Variants in TVP23A observed in about 807,000 individuals in gnomAD.
TVP23A encodes trans-golgi network vesicle protein 23 homolog A.
Under a neutral mutation model 31.7 loss-of-function variants are expected in TVP23A, and 21 were observed. That is an observed-to-expected ratio of 0.66 (90% confidence interval 0.47 to 0.95). TVP23A has a LOEUF of 0.95. Among genes scored for constraint, TVP23A ranks in the 40% least tolerant of loss-of-function variants. The pLI is 0.00. For synonymous variants in TVP23A, 104 were observed against 96.0 expected (o/e 1.08, Z -0.49); for missense variants, 279 against 255.6 (o/e 1.09, Z -0.62).
chr16:10,768,037 G>GTAT lies in TVP23A; in HGVS notation c.*1062_*1064dup. Reference sequence around the variant, plus strand: ...CCTACAGAAGTATAATTCAGAGTAAGTATTTCCATGAGTACTAAATGCAGA... The same window carrying GTAT: ...CCTACAGAAGTATAATTCAGAGTAAGTATTATTTCCATGAGTACTAAATGCAGA... On this transcript the variant is annotated 3_prime_UTR_variant, in exon 8 of 8. Transcript: ENST00000299866. The surrounding 1 kb of genome is among the most constrained non-coding windows in gnomAD (Gnocchi z 4.3). 1 of 1,613,522 alleles carries GTAT rather than the reference G, an allele frequency of 6.2e-7. No individual in the cohort carries two copies. Among genetic ancestry groups the GTAT allele is most frequent in the South Asian group, 1.1e-5 (1 of 91,072 alleles).
intron 2 of TVP23A, among the ~76,000 whole-genome samples, chr16:10,811,687 G>T (rs543148886): frequency 1.3e-5 from 2 of 151,932 alleles, no homozygotes; most frequent in Non-Finnish European, 2.9e-5. Flanking sequence ...GGCGGATCAC[G>T]AGGTCAGGAG....
chr16:10,767,252 C>T lies in TVP23A; in HGVS notation c.*1850G>A. The T allele has an allele frequency of 2.5e-6, 1 of 399,500 alleles. No individual in the cohort carries two copies. The highest frequency in any genetic ancestry group is 3.6e-5 in the East Asian group (1 of 28,116). 24.7% of individuals were successfully genotyped at this position (399,500 alleles called of 1,614,324 possible). ...AGAACACCCCCATTGACCCCTAGCCCCTTGTGTCCTGTCCACCTGGCTCTG... is the reference window on the plus strand; with the variant it reads ...AGAACACCCCCATTGACCCCTAGCCTCTTGTGTCCTGTCCACCTGGCTCTG... On this transcript the variant is annotated 3_prime_UTR_variant, in exon 8 of 8. Coordinates refer to ENST00000299866, the MANE Select transcript of TVP23A (RefSeq NM_001079512.4). The surrounding 1 kb of genome is among the most constrained non-coding windows in gnomAD (Gnocchi z 4.6).
At chr16:10,758,098 T>C (rs1220223143), downstream of TVP23A, 1 of 1,542,914 alleles carries the variant, frequency 6.5e-7, no homozygotes, top group East Asian at 2.3e-5. Context: ...CCTACCTGGC[T>C]CTGATACTCT....
At chr16:10,797,509 G>A (rs1415556796) in intron 2 of TVP23A, among the ~76,000 whole-genome samples, 6 of 150,786 alleles carry the variant, frequency 4.0e-5, no homozygotes, top group South Asian at 4.2e-4. Flanking sequence ...CTGAGATCAC[G>A]CCATTGCACT....
downstream of TVP23A, chr16:10,762,238 G>A (rs928430194): frequency 2.9e-5 from 5 of 174,584 alleles, no homozygotes; most frequent in Non-Finnish European, 4.9e-5. Flanking sequence ...GGAAGGGGCC[G>A]GGCCTCCTGT....
At chr16:10,809,973 A>G (rs1244259281) in intron 2 of TVP23A, among the ~76,000 whole-genome samples, 1 of 152,242 alleles carries the variant, frequency 6.6e-6, no homozygotes, top group Non-Finnish European at 1.5e-5. Flanking sequence ...ACAAAAGCAG[A>G]AACAACTCAA....
chr16:10,774,054 G>C lies in TVP23A; in HGVS notation c.309C>G (p.Ile103Met), dbSNP rs1474035436. The change falls in exon 4 of 8, where the codon ATC becomes ATG. Residue 103 changes from isoleucine to methionine, a missense_variant. Ile to Met is a conservative substitution (Grantham distance 10). Coordinates refer to ENST00000299866, the MANE Select transcript of TVP23A (RefSeq NM_001079512.4). ...QIDEDGKSHW[I>M]FEARKVSPNS... Reference sequence around the variant, plus strand: ...TGGAGAATACCTTCCTGGCTTCAAAGATCCAGTGGCTCTTCCCATCTTCAT... The same window carrying C: ...TGGAGAATACCTTCCTGGCTTCAAACATCCAGTGGCTCTTCCCATCTTCAT... The C allele has an allele frequency of 1.2e-6, 2 of 1,611,524 alleles. No individual in the cohort carries two copies. The highest frequency in any genetic ancestry group is 2.2e-5 in the East Asian group (1 of 44,856).
downstream of TVP23A, among the ~76,000 whole-genome samples, chr16:10,759,607 C>T (rs113069108): frequency 0.028 from 4,305 of 152,150 alleles, 219 homozygotes; most frequent in African/African-American, 0.098. The surrounding 1 kb of genome is among the most constrained non-coding windows in gnomAD (Gnocchi z 4.7). Flanking sequence ...AACCCTGTCT[C>T]TACCAAAAAA....
intron 2 of TVP23A, among the ~76,000 whole-genome samples, chr16:10,809,895 G>C (rs1159281922): frequency 1.3e-5 from 2 of 152,082 alleles, no homozygotes; most frequent in South Asian, 2.1e-4. Flanking sequence ...GTGCCCAAAA[G>C]AACCAAAAAT....
intron 2 of TVP23A, among the ~76,000 whole-genome samples, chr16:10,790,522 T>C (rs1204098964): frequency 6.6e-6 from 1 of 152,158 alleles, no homozygotes; most frequent in Non-Finnish European, 1.5e-5. Flanking sequence ...CCTCACCTTG[T>C]GATCCGCCCG....
chr16:10,768,396 C>T lies in TVP23A; in HGVS notation c.*706G>A, dbSNP rs2031218012. ...GGCAGGCAGATCACTTGAGGCTGGT[C>T]AGGAGTTCAAGACCAGCCTGGCTAA... On this transcript the variant is annotated 3_prime_UTR_variant, in exon 8 of 8. Transcript: ENST00000299866. The surrounding 1 kb of genome is among the most constrained non-coding windows in gnomAD (Gnocchi z 4.3). 1 of 170,830 alleles carries T rather than the reference C, an allele frequency of 5.9e-6. No homozygotes were observed. Among genetic ancestry groups the T allele is most frequent in the African/African-American group, 2.4e-5 (1 of 41,592 alleles). The allele number at this position is 170,830 out of a possible 1,614,324, so 10.6% of individuals were successfully genotyped here.
intron 2 of TVP23A, among the ~76,000 whole-genome samples, chr16:10,809,231 G>A (rs1015742925): frequency 5.3e-5 from 8 of 152,364 alleles, no homozygotes; most frequent in African/African-American, 1.4e-4. Context: ...GAAAAGAAAA[G>A]TGGGTACCCA....
At chr16:10,789,998 T>C (rs550545576) in intron 2 of TVP23A, among the ~76,000 whole-genome samples, 1 of 152,230 alleles carries the variant, frequency 6.6e-6, no homozygotes, top group East Asian at 1.9e-4. Flanking sequence ...CTGGGATCAA[T>C]AGAAAGGGAA....
At chr16:10,808,119 CT>C (rs1445853582) in intron 2 of TVP23A, among the ~76,000 whole-genome samples, 4 of 152,114 alleles carry the variant, frequency 2.6e-5, no homozygotes, top group Non-Finnish European at 5.9e-5. Flanking sequence ...ATGATAGTGC[CT>C]AGGTTTGTAA....
chr16:10,784,661 T>A (rs1369520428), intron 2 of TVP23A, among the ~76,000 whole-genome samples: 1 of 152,180 alleles, frequency 6.6e-6, no homozygotes, highest in Non-Finnish European at 1.5e-5. Context: ...TTTTAGTTAA[T>A]AATAATGTAT....
At chr16:10,764,337 C>A (rs1351451627), downstream of TVP23A, among the ~76,000 whole-genome samples, 1 of 151,604 alleles carries the variant, frequency 6.6e-6, no homozygotes, top group Admixed American at 6.6e-5. Context: ...TGGAGTGTGG[C>A]AGTCTATTGG....
chr16:10,774,563 T>G (rs2031861080), intron 3 of TVP23A, among the ~76,000 whole-genome samples: 1 of 151,618 alleles, frequency 6.6e-6, no homozygotes, highest in Admixed American at 6.6e-5. Context: ...GATCTGATGG[T>G]TTTTATAAGG....
At chr16:10,763,271 G>A (rs2030289750), downstream of TVP23A, among the ~76,000 whole-genome samples, 1 of 152,050 alleles carries the variant, frequency 6.6e-6, no homozygotes, top group South Asian at 2.1e-4. Flanking sequence ...CACAGGACAT[G>A]GACAGGATTG....
intron 2 of TVP23A, among the ~76,000 whole-genome samples, chr16:10,813,678 A>AC (rs1266552543): frequency 6.6e-6 from 1 of 152,030 alleles, no homozygotes; most frequent in Non-Finnish European, 1.5e-5. Flanking sequence ...GGTTTCCTGA[A>AC]CCCCTGAAGC....
Sources: allele counts gnomAD v4.1 joint callset (sites outside exome capture counted in the v4.1 genomes callset), GRCh38; gene constraint gnomAD v4.1.1; non-coding constraint Gnocchi (gnomAD v3.1); transcripts MANE v1.5; gene names NCBI Gene and HGNC (gene_info 2026-07-23, HGNC 2026-07-21).